Variants in FBXL3 observed in about 807,000 individuals in gnomAD.
The protein encoded by FBXL3 is F-box/LRR-repeat protein 3.
Under a neutral mutation model 37.9 loss-of-function variants are expected in FBXL3, and 14 were observed. That is an observed-to-expected ratio of 0.37 (90% CI 0.24 to 0.58). The LOEUF is 0.58. FBXL3 is among the 20% of genes least tolerant of loss of function. The pLI is 0.74. For missense variants in FBXL3, 327 were observed against 511.1 expected, an observed-to-expected ratio of 0.64 and a Z score of 3.47; for synonymous variants, 194 against 180.1, an observed-to-expected ratio of 1.08 and a Z score of -0.62.
At position 77,021,643 on chromosome 13, in the gene FBXL3, G is replaced by T; in HGVS notation, c.218C>A (p.Pro73His). Residue 73 changes from proline to histidine, a missense_variant, in exon 2 of 5, where the codon CCT (proline) becomes CAT (histidine). Coordinates refer to ENST00000355619, the MANE Select transcript of FBXL3 (RefSeq NM_012158.4). Reference sequence around the variant, plus strand: ...AAATTCAAAACATCTCCACAAGTCAGGCATGTGAAATACCTGGTTCCAGTT... The same window carrying T: ...AAATTCAAAACATCTCCACAAGTCATGCATGTGAAATACCTGGTTCCAGTT... The part of the protein sequence containing the change: ...CRNWNQVFHM[P>H]DLWRCFEFEL... 6.2e-7 allele frequency: 1 copy of T among 1,614,100 alleles called. No individual in the cohort carries two copies. Among genetic ancestry groups the T allele is most frequent in the Non-Finnish European group, 8.5e-7 (1 of 1,180,012 alleles).
intron 4 of FBXL3, 76 bp downstream of exon 4, chr13:77,015,333 A>T: frequency 2.9e-6 from 3 of 1,043,114 alleles, no homozygotes; most frequent in African/African-American, 1.6e-5. Context: ...CTTCAAGGTT[A>T]ATGATCATAG....
At chr13:77,026,176 A>G (rs1039879974) in intron 1 of FBXL3, 15 of 985,290 alleles carry the variant, frequency 1.5e-5, no homozygotes, top group Non-Finnish European at 1.8e-5. Context: ...CTCACCTCTC[A>G]GCTTGGAGAT....
In FBXL3 at chr13:77,018,684, A is replaced by G. The variant is rs541094460; in HGVS notation, c.387T>C (p.Asp129=). 23 of 1,593,950 alleles carry G rather than the reference A, an allele frequency of 1.4e-5. No homozygotes were observed. The South Asian group carries it at 2.5e-4, about 18-fold the overall frequency. The change falls in exon 3 of 5, where the codon GAT becomes GAC. Residue 129 remains aspartate, a synonymous_variant. Transcript: ENST00000355619. ...AGCAATTCACAAGTTGCGATAGTAT[A>G]TCACAAGCTGCTTCAGCTGATTCCT... ...SSKESAEAAC[D]ILSQLVNCSL...
At position 77,027,148 on chromosome 13, in the gene FBXL3, A is replaced by G. The variant is rs2034861395; in HGVS notation, c.-323T>C. The G allele has an allele frequency of 6.7e-6, 1 of 150,008 alleles. No individual in the cohort carries two copies. The highest frequency in any genetic ancestry group is 1.5e-5 in the Non-Finnish European group (1 of 67,440). The allele number at this position is 150,008 out of a possible 1,614,324, so 9.3% of individuals were successfully genotyped here. A position where few individuals can be genotyped will look rare whatever the true frequency, so the allele number is the denominator to read the frequency against. On this transcript the variant is annotated 5_prime_UTR_variant, in exon 1 of 5. Coordinates refer to ENST00000355619, the MANE Select transcript of FBXL3 (RefSeq NM_012158.4). ...GTAAGCTTCCTGCACCTGGGCCACA[A>G]ACAGCGAGTCTAAAATGGCGCCCAG...
intron 4 of FBXL3, among the ~76,000 whole-genome samples, chr13:77,011,581 G>A (rs1347214925): frequency 6.6e-6 from 1 of 151,944 alleles, no homozygotes; most frequent in Non-Finnish European, 1.5e-5. Context: ...GTATTAGCCG[G>A]GCATAATGGC....
At chr13:77,015,898 C>A (rs2034634308) in intron 3 of FBXL3, 1 of 169,436 alleles carries the variant, frequency 5.9e-6, no homozygotes, top group Non-Finnish European at 1.3e-5. Flanking sequence ...CTCTCAGACA[C>A]TTCATTTTGC....
chr13:77,012,623 G>T (rs2034574595), intron 4 of FBXL3, among the ~76,000 whole-genome samples: 1 of 152,238 alleles, frequency 6.6e-6, no homozygotes. Context: ...AAAGAAAATT[G>T]ATTAAATGTT....
chr13:77,007,438 G>A lies in FBXL3; in HGVS notation c.994C>T (p.Pro332Ser). The A allele has an allele frequency of 6.2e-7, 1 of 1,614,038 alleles. No individual in the cohort carries two copies. Among genetic ancestry groups the A allele is most frequent in the Middle Eastern group, 1.6e-4 (1 of 6,062 alleles). The change falls in exon 5 of 5, where the codon CCT becomes TCT. Residue 332 changes from proline to serine, a missense_variant. Transcript: ENST00000355619. ...DVLGRVGMTC[P>S]RLVELVVCAN... is the part of the protein sequence containing the mutation. ...CACACTACTAGTTCAACCAGTCTAG[G>A]GCATGTCATTCCCACACGGCCAAGC... is the stretch of plus-strand genomic sequence containing the variant.
At chr13:77,012,411 C>A (rs1187720089) in intron 4 of FBXL3, among the ~76,000 whole-genome samples, 1 of 152,006 alleles carries the variant, frequency 6.6e-6, no homozygotes, top group African/African-American at 2.4e-5. Flanking sequence ...AAGCAAACTG[C>A]TATAAGCCAA....
intron 3 of FBXL3, 52 bp downstream of exon 3, chr13:77,018,548 G>A (rs1034826789): frequency 7.1e-7 from 1 of 1,406,258 alleles, no homozygotes; most frequent in Non-Finnish European, 9.4e-7. Context: ...AAAAAGATTA[G>A]ACTTTCACTG....
intron 4 of FBXL3, chr13:77,013,791 T>C (rs934734030): frequency 1.3e-5 from 2 of 152,202 alleles, no homozygotes; most frequent in Non-Finnish European, 2.9e-5. Flanking sequence ...CCCATCTTGA[T>C]AAATCGGTTC....
intron 3 of FBXL3, chr13:77,016,911 TA>T (rs2034653539): frequency 1.3e-5 from 2 of 152,232 alleles, no homozygotes; most frequent in Non-Finnish European, 2.9e-5. Context: ...TAGATTTTGA[TA>T]AACTATTTAA....
chr13:77,007,354 T>G lies in FBXL3; in HGVS notation c.1078A>C (p.Asn360His), dbSNP rs1338037603. The stretch of plus-strand genomic sequence containing the variant: ...TCCCCTAGTCCAATAGCTGACAAAT[T>G]TTTGCAACGTTCTGCAATGCGAATT... ...ELIRIAERCK[N>H]LSAIGLGECE... The change falls in exon 5 of 5, where the codon AAT becomes CAT. Residue 360 changes from asparagine (N) to histidine (H), a missense_variant. Coordinates refer to ENST00000355619, the MANE Select transcript of FBXL3 (RefSeq NM_012158.4). 6.2e-7 allele frequency: 1 copy of G among 1,613,990 alleles called. No individual in the cohort carries two copies. The highest frequency in any genetic ancestry group is 2.2e-5 in the East Asian group (1 of 44,896).
intron 3 of FBXL3, 175 bp downstream of exon 3, chr13:77,018,425 A>T: frequency 1.2e-5 from 4 of 345,080 alleles, no homozygotes; most frequent in South Asian, 1.1e-4. Context: ...GTGATTTAAA[A>T]AAAAAAAAAA....
Position 77,021,561 on chromosome 13 carries a change from T to C in FBXL3, c.300A>G (p.Lys100=). Residue 100 remains lysine (K), a synonymous_variant, in exon 2 of 5, where the codon AAA becomes AAG. Coordinates refer to ENST00000355619, the MANE Select transcript of FBXL3 (RefSeq NM_012158.4). The part of the protein sequence containing the change: ...YLKATHPELI[K]QIIKRHSNHL... Reference sequence around the variant, plus strand: ...GGTTTGAATGTCTTTTAATAATCTGTTTGATCAGCTCTGGATGGGTAGCTT... The same window carrying C: ...GGTTTGAATGTCTTTTAATAATCTGCTTGATCAGCTCTGGATGGGTAGCTT... The C allele has an allele frequency of 2.5e-6, 4 of 1,614,108 alleles. No individual in the cohort carries two copies. The highest frequency in any genetic ancestry group is 3.4e-6 in the Non-Finnish European group (4 of 1,179,986).
chr13:77,021,538 T>C lies in FBXL3; in HGVS notation c.323A>G (p.Asn108Ser). ...CTTGAAGCTGACATATTGTAGATGG[T>C]TTGAATGTCTTTTAATAATCTGTTT... ...LIKQIIKRHS[N>S]HLQYVSFKVD... The change falls in exon 2 of 5, where the codon AAC becomes AGC. Residue 108 changes from asparagine to serine, a missense_variant. Coordinates refer to ENST00000355619, the MANE Select transcript of FBXL3 (RefSeq NM_012158.4). 1 of 1,613,028 alleles carries C rather than the reference T, an allele frequency of 6.2e-7. No homozygotes were observed. The highest frequency in any genetic ancestry group is 1.1e-5 in the South Asian group (1 of 91,046).
intron 4 of FBXL3, among the ~76,000 whole-genome samples, chr13:77,012,594 A>G (rs879136958): frequency 8.5e-5 from 13 of 152,252 alleles, no homozygotes; most frequent in Admixed American, 5.2e-4. Flanking sequence ...ACAGACAATT[A>G]TAACAACTAT....
intron 4 of FBXL3, chr13:77,014,678 T>G (rs900952667): frequency 1.3e-5 from 2 of 152,180 alleles, no homozygotes; most frequent in South Asian, 2.1e-4. Flanking sequence ...CACTATACCT[T>G]AAAGAACAGG....
rs558187923 is a variant in FBXL3, at chr13:77,018,762, A to AT, written c.349-41dup. On this transcript the variant is annotated intron_variant, in intron 2 of 4. Coordinates refer to ENST00000355619, the MANE Select transcript of FBXL3 (RefSeq NM_012158.4). ...ACCGTTTACTCATGAATATTTTATT[A>AT]TTTTTTTACTTTTTTCCCCAAATAC... 2.1e-4 allele frequency: 312 copies of AT among 1,479,670 alleles called. 2 individuals are homozygous for AT. In the African/African-American group the frequency reaches 3.1e-3, roughly 15 times the overall value. 91.7% of individuals were successfully genotyped at this position (1,479,670 alleles called of 1,614,324 possible). A position where few individuals can be genotyped will look rare whatever the true frequency, so the allele number is the denominator to read the frequency against.
Sources: gnomAD v4.1 joint callset for allele counts (sites outside exome capture counted in the v4.1 genomes callset) on GRCh38, gnomAD v4.1.1 for gene constraint, MANE v1.5 for transcripts, NCBI Gene and HGNC (gene_info 2026-07-23, HGNC 2026-07-21) for gene names.